ARL10: variants seen among roughly 807,000 people sequenced by gnomAD.
ARL10 encodes ARF like GTPase 10.
ARL10 carries 23 observed loss-of-function variants against 26.1 expected under a neutral mutation model. The ratio of observed to expected loss-of-function variants is 0.88; its 90% CI spans 0.63 to 1.25. The LOEUF is 1.25. Among genes scored for constraint, ARL10 ranks in the 50% most tolerant of loss-of-function variants. The pLI is 0.00. For missense variants in ARL10, 300 were observed against 323.6 expected, an observed-to-expected ratio of 0.93 and a Z score of 0.56; for synonymous variants, 138 against 149.1, an observed-to-expected ratio of 0.93 and a Z score of 0.54.
At chr5:176,390,429 G>C (rs1756225426), downstream of ARL10, among the ~76,000 whole-genome samples, 1 of 151,924 alleles carries the variant, frequency 6.6e-6, no homozygotes, top group Non-Finnish European at 1.5e-5. Context: ...CACTGATCTA[G>C]ACCATCTAGT....
downstream of ARL10, among the ~76,000 whole-genome samples, chr5:176,390,039 GGGCGT>G (rs760116277): frequency 3.3e-5 from 5 of 151,990 alleles, no homozygotes; most frequent in Middle Eastern, 3.2e-3. Context: ...AAAATTAGCT[GGGCGT>G]GGTGTTGCGT....
the ARL10 span, among the ~76,000 whole-genome samples, chr5:176,407,003 G>C: frequency 6.6e-6 from 1 of 152,244 alleles, no homozygotes; most frequent in African/African-American, 2.4e-5. Context: ...TGCCCTGCCT[G>C]TAAGGATTCT....
intron 1 of ARL10, among the ~76,000 whole-genome samples, chr5:176,394,550 G>A (rs962728785): frequency 6.6e-6 from 1 of 151,970 alleles, no homozygotes; most frequent in Non-Finnish European, 1.5e-5. Flanking sequence ...AGGCGCGGTG[G>A]CTCATGCCTG....
Position 176,372,210 on chromosome 5 carries a change from C to A in ARL10, c.*315C>A. 1 of 606,602 alleles carries A rather than the reference C, an allele frequency of 1.6e-6. No homozygotes were observed. The highest frequency in any genetic ancestry group is 2.3e-6 in the Non-Finnish European group (1 of 433,054). 37.6% of individuals were successfully genotyped at this position (606,602 alleles called of 1,614,324 possible). ...CAGTGAGATGCTCAGTGGGCTCAAT[C>A]CTCCACTACAGGTCCCGGTACCTGA... is the stretch of plus-strand genomic sequence containing the variant. On this transcript the variant is annotated 3_prime_UTR_variant, in exon 4 of 4. Coordinates refer to ENST00000310389, the MANE Select transcript of ARL10 (RefSeq NM_173664.6).
downstream of ARL10, chr5:176,389,367 T>TCTA (rs1308633280): frequency 6.2e-7 from 1 of 1,613,982 alleles, no homozygotes; most frequent in Non-Finnish European, 8.5e-7. Context: ...ACCTACGGCC[T>TCTA]CTACTCCTTC....
At position 176,368,827 on chromosome 5, in the gene ARL10, C is replaced by T. The variant is rs751942928; in HGVS notation, c.406C>T (p.Arg136Cys). Residue 136 changes from arginine (R) to cysteine (C), a missense_variant, in exon 3 of 4, where the codon CGC becomes TGC. Coordinates refer to ENST00000310389, the MANE Select transcript of ARL10 (RefSeq NM_173664.6). This position sits in a 1 kb window ranked among gnomAD's most constrained non-coding sequence, Gnocchi z 4.1. ...LLEIGGSQNL[R>C]FYWKEFVSEV... ...CTCAGTTGGGGGCAGCCAGAACCTG[C>T]GCTTCTACTGGAAGGAGTTTGTGAG... is the stretch of plus-strand genomic sequence containing the variant. 1.2e-6 allele frequency: 2 copies of T among 1,612,728 alleles called. No homozygotes were observed. Among genetic ancestry groups the T allele is most frequent in the East Asian group, 2.2e-5 (1 of 44,852 alleles).
At chr5:176,408,831 G>A in the ARL10 span, among the ~76,000 whole-genome samples, 4,003 of 152,246 alleles carry the variant, frequency 0.026, 87 homozygotes, top group Non-Finnish European at 0.037. Context: ...GGTTTTCCTC[G>A]TTTTTTGCAG....
At position 176,366,587 on chromosome 5, in the gene ARL10, C is replaced by T. The variant is rs376643885; in HGVS notation, c.385+6C>T. The T allele has an allele frequency of 1.6e-5, 26 of 1,613,416 alleles. No individual in the cohort carries two copies. In the African/African-American group the frequency reaches 1.7e-4, roughly 11 times the overall value. Reference sequence around the variant, plus strand: ...TGAGGTGGACCTGCTAGAAAGTGAGCGGACACCCTACCCCATCTCCCCGTC... The same window carrying T: ...TGAGGTGGACCTGCTAGAAAGTGAGTGGACACCCTACCCCATCTCCCCGTC... On this transcript the variant is annotated splice_donor_region_variant and intron_variant, in intron 2 of 3. Transcript: ENST00000310389.
chr5:176,396,954 T>A (rs1756553505), intron 1 of ARL10, among the ~76,000 whole-genome samples: 1 of 150,410 alleles, frequency 6.6e-6, no homozygotes, highest in East Asian at 1.9e-4. Flanking sequence ...CCTCCTGCCC[T>A]TTTTTCCCTT....
downstream of ARL10, chr5:176,388,793 A>G (rs374741504): frequency 6.2e-7 from 1 of 1,605,182 alleles, no homozygotes; most frequent in Non-Finnish European, 8.5e-7. Context: ...CGGAGTCCCG[A>G]TTTTCTCCTG....
chr5:176,388,366 C>A, exon 2 of ARL10: 1 of 1,613,038 alleles, frequency 6.2e-7, no homozygotes, highest in Middle Eastern at 1.6e-4. Context: ...AGAGACATCG[C>A]GGATCCGTCA....
At chr5:176,406,584 C>T (rs963428014), downstream of ARL10, 5 of 1,289,060 alleles carry the variant, frequency 3.9e-6, no homozygotes, top group African/African-American at 4.6e-5. Context: ...GAGGCGGAGT[C>T]CTGCAGGGCC....
At chr5:176,390,351 AGGGTTCTGCCCT>A (rs1756219404), downstream of ARL10, among the ~76,000 whole-genome samples, 5 of 152,034 alleles carry the variant, frequency 3.3e-5, no homozygotes, top group Admixed American at 2.0e-4. Context: ...TCAGAGGCAG[AGGGTTCTGCCCT>A]CCACTCCGCA....
At chr5:176,388,790 C>T (rs777762930), downstream of ARL10, 3 of 1,604,214 alleles carry the variant, frequency 1.9e-6, no homozygotes, top group Admixed American at 1.7e-5. Context: ...GGTCGGAGTC[C>T]CGATTTTCTC....
rs1209547942 is a variant in ARL10, at chr5:176,374,105, G to C, written c.*2210G>C. On this transcript the variant is annotated 3_prime_UTR_variant, in exon 4 of 4. Transcript: ENST00000310389. ...AGCAGCCTTCAGCCGACGATTGACT[G>C]AAGGTTTGGCTGCTGTGATTGGCTA... is the stretch of plus-strand genomic sequence containing the variant. 1 of 152,208 alleles carries C rather than the reference G, an allele frequency of 6.6e-6. No individual in the cohort carries two copies. The highest frequency in any genetic ancestry group is 6.5e-5 in the Admixed American group (1 of 15,278). The allele number at this position is 152,208 out of a possible 1,614,324, so 9.4% of individuals were successfully genotyped here.
chr5:176,385,388 G>A, downstream of ARL10: 1 of 1,039,930 alleles, frequency 9.6e-7, no homozygotes, highest in South Asian at 1.3e-5. Context: ...TGCTCTTTGA[G>A]CTGTCCAATC....
At chr5:176,397,779 G>T in intron 1 of ARL10, 1 of 1,547,024 alleles carries the variant, frequency 6.5e-7, no homozygotes. Flanking sequence ...GCCCGGCCGC[G>T]CTCCTCCCCT....
intron 1 of ARL10, chr5:176,396,422 CTG>C (rs1756521624): frequency 2.8e-6 from 4 of 1,418,830 alleles, no homozygotes; most frequent in African/African-American, 1.4e-5. Context: ...ACTCAAGAAA[CTG>C]TGGTGGCCAT....
At chr5:176,389,007 G>A (rs772747947), downstream of ARL10, 17 of 1,611,366 alleles carry the variant, frequency 1.1e-5, no homozygotes, top group South Asian at 7.7e-5. Flanking sequence ...CACAAGGAGA[G>A]GACAGTGATG....
Sources: gnomAD v4.1 joint callset for allele counts (sites outside exome capture counted in the v4.1 genomes callset) on GRCh38, gnomAD v4.1.1 for gene constraint, Gnocchi (gnomAD v3.1) non-coding constraint, MANE v1.5 for transcripts, NCBI Gene and HGNC (gene_info 2026-07-23, HGNC 2026-07-21) for gene names.